GSDMC: variants seen among roughly 807,000 people sequenced by gnomAD.
The protein encoded by GSDMC is gasdermin C, also known as gasdermin-C.
GSDMC carries 59 observed loss-of-function variants against 58.0 expected under a neutral mutation model. The ratio of observed to expected loss-of-function variants is 1.02; its 90% CI spans 0.82 to 1.26. GSDMC has a LOEUF of 1.26. GSDMC is among the 50% of genes most tolerant of loss of function. The pLI is 0.00. For missense variants in GSDMC, 659 were observed against 598.5 expected (o/e 1.10, Z -1.06); for synonymous variants, 241 against 220.2 (o/e 1.09, Z -0.83).
At chr8:129,749,427 C>T (rs1338597539) in intron 13 of GSDMC, 25 bp downstream of exon 13, 2 of 1,534,988 alleles carry the variant, frequency 1.3e-6, no homozygotes, top group East Asian at 2.2e-5. Context: ...CTTCCCTGAA[C>T]TTCTGGCCCC....
chr8:129,784,942 G>T (rs1455874014), intron 1 of GSDMC, among the ~76,000 whole-genome samples: 2 of 152,128 alleles, frequency 1.3e-5, no homozygotes, highest in Non-Finnish European at 2.9e-5. Flanking sequence ...GCTGGGTGCG[G>T]TGGCTCATGC....
chr8:129,723,215 G>A, the GSDMC span, among the ~76,000 whole-genome samples: 16 of 151,514 alleles, frequency 1.1e-4, no homozygotes, highest in South Asian at 1.3e-3. Context: ...GTGGCCATCC[G>A]GGCTCAGCAT....
downstream of GSDMC, among the ~76,000 whole-genome samples, chr8:129,744,803 C>T (rs184866631): frequency 6.6e-6 from 1 of 152,338 alleles, no homozygotes; most frequent in African/African-American, 2.4e-5. Flanking sequence ...GCCAACCTAG[C>T]TGTATAGGAA....
At chr8:129,757,391 A>C (rs1240487231) in intron 6 of GSDMC, among the ~76,000 whole-genome samples, 1 of 152,154 alleles carries the variant, frequency 6.6e-6, no homozygotes, top group East Asian at 1.9e-4. Flanking sequence ...ATGAGTAATG[A>C]GATAGAAGCT....
the GSDMC span, among the ~76,000 whole-genome samples, chr8:129,740,980 T>TAA: frequency 6.6e-6 from 1 of 152,204 alleles, no homozygotes; most frequent in African/African-American, 2.4e-5. Flanking sequence ...TTTCAAGTCT[T>TAA]ACGTTTAAGT....
In GSDMC at chr8:129,751,475, C is replaced by G. The variant is rs887906588; in HGVS notation, c.943+67G>C. The G allele has an allele frequency of 5.1e-5, 70 of 1,363,510 alleles. No individual in the cohort carries two copies. In the South Asian group the frequency reaches 7.9e-4, roughly 15 times the overall value. The allele number at this position is 1,363,510 out of a possible 1,614,324, so 84.5% of individuals were successfully genotyped here. On this transcript the variant is annotated intron_variant, in intron 10 of 13. Coordinates refer to ENST00000276708, the MANE Select transcript of GSDMC (RefSeq NM_031415.3). ...AGTTTCTGACTTGCATAGAAACCAC[C>G]AACTTGGGTGCTCAGACTTGCAGCT...
At chr8:129,764,433 G>C (rs2033785903) in intron 4 of GSDMC, among the ~76,000 whole-genome samples, 1 of 152,156 alleles carries the variant, frequency 6.6e-6, no homozygotes, top group African/African-American at 2.4e-5. Context: ...GTGATGCCTG[G>C]AGCTGAATGG....
At chr8:129,741,187 T>C in the GSDMC span, among the ~76,000 whole-genome samples, 3 of 152,142 alleles carry the variant, frequency 2.0e-5, no homozygotes, top group Non-Finnish European at 4.4e-5. Flanking sequence ...CTTTTTATCC[T>C]GTTCCATTGG....
At chr8:129,764,429 C>T (rs1324459839) in intron 4 of GSDMC, among the ~76,000 whole-genome samples, 2 of 152,102 alleles carry the variant, frequency 1.3e-5, no homozygotes, top group Admixed American at 1.3e-4. Flanking sequence ...AGATGTGATG[C>T]CTGGAGCTGA....
At position 129,755,831 on chromosome 8, in the gene GSDMC, G is replaced by T. The variant is rs557202093; in HGVS notation, c.722-3011C>A. ...AATAATGGGTTATGAGACAGTATTT[G>T]TAAGTCTTACAGTAACCTCAAATCA... On this transcript the variant is annotated intron_variant, in intron 6 of 13. Coordinates refer to ENST00000276708, the MANE Select transcript of GSDMC (RefSeq NM_031415.3). 7.3e-4 allele frequency among the ~76,000 whole-genome samples: 110 copies of T among 151,516 alleles called. 1 individual carries two copies. The highest frequency in any genetic ancestry group is 2.6e-3 in the African/African-American group (109 of 41,338).
intron 1 of GSDMC, among the ~76,000 whole-genome samples, chr8:129,780,108 A>G (rs866022852): frequency 6.6e-6 from 1 of 152,328 alleles, no homozygotes. Context: ...AGAATGAAGC[A>G]TGCTACAAGA....
chr8:129,728,868 G>A, the GSDMC span: 19 of 638,724 alleles, frequency 3.0e-5, no homozygotes, highest in South Asian at 1.2e-4. Flanking sequence ...CGCCTGGGGC[G>A]GGCTCTTGTG....
the GSDMC span, among the ~76,000 whole-genome samples, chr8:129,711,286 A>C: frequency 0.025 from 3,798 of 152,266 alleles, 65 homozygotes; most frequent in Middle Eastern, 0.15. Flanking sequence ...TCTCTTATCC[A>C]TGTCATCTAG....
chr8:129,766,916 C>T lies in GSDMC; in HGVS notation c.405-1123G>A, dbSNP rs780896619. Among the ~76,000 whole-genome samples the T allele has an allele frequency of 5.3e-5, 8 of 152,292 alleles. No homozygotes were observed. In the South Asian group the frequency reaches 6.2e-4, roughly 12 times the overall value. ...GGCATCGGCAGGACTAGACCACCTG[C>T]GGTCACCTAGAAGCAAAGAAGTGGT... On this transcript the variant is annotated intron_variant, in intron 3 of 13. Transcript: ENST00000276708.
intron 1 of GSDMC, among the ~76,000 whole-genome samples, chr8:129,784,405 C>A (rs2034499212): frequency 6.6e-6 from 1 of 151,894 alleles, no homozygotes; most frequent in Non-Finnish European, 1.5e-5. Context: ...GGAAAAAAAT[C>A]TAATAATCAG....
At position 129,752,794 on chromosome 8, in the gene GSDMC, A is replaced by G; in HGVS notation, c.748T>C (p.Tyr250His). 2 of 1,614,176 alleles carry G rather than the reference A, an allele frequency of 1.2e-6. No individual in the cohort carries two copies. The highest frequency in any genetic ancestry group is 1.7e-6 in the Non-Finnish European group (2 of 1,180,026). ...DEYEISEMVG[Y>H]CAARSEGLLP... Reference sequence around the variant, plus strand: ...AACCCCTCACTCCTCGCAGCACAGTAGCCTACCATTTCGGAAATTTCGTAC... The same window carrying G: ...AACCCCTCACTCCTCGCAGCACAGTGGCCTACCATTTCGGAAATTTCGTAC... Residue 250 changes from tyrosine (Y) to histidine (H), a missense_variant, in exon 7 of 14, where the codon TAC (tyrosine) becomes CAC (histidine). Transcript: ENST00000276708.
chr8:129,752,737 G>A lies in GSDMC; in HGVS notation c.805C>T (p.Leu269Phe). 2 of 1,614,212 alleles carry A rather than the reference G, an allele frequency of 1.2e-6. No homozygotes were observed. The highest frequency in any genetic ancestry group is 1.7e-6 in the Non-Finnish European group (2 of 1,180,028). Residue 269 changes from leucine to phenylalanine, a missense_variant, in exon 7 of 14, where the codon CTC (leucine) becomes TTC (phenylalanine). Physicochemically the swap from Leu to Phe is conservative, Grantham distance 22 (BLOSUM62 0). Coordinates refer to ENST00000276708, the MANE Select transcript of GSDMC (RefSeq NM_031415.3). ...ATATCATTGGATGAGGCATTGAAGAGGGTTGGAGAGATGGTATGAAATGAT... is the reference window on the plus strand; with the variant it reads ...ATATCATTGGATGAGGCATTGAAGAAGGTTGGAGAGATGGTATGAAATGAT... ...LPSFHTISPT[L>F]FNASSNDMKL...
At chr8:129,750,194 G>A in intron 11 of GSDMC, 75 bp from the exon 12 acceptor site, 2 of 1,254,094 alleles carry the variant, frequency 1.6e-6, no homozygotes, top group Non-Finnish European at 2.2e-6. Flanking sequence ...GTGTCTACTG[G>A]TGATAACCAA....
the GSDMC span, among the ~76,000 whole-genome samples, chr8:129,710,672 A>T: frequency 6.6e-6 from 1 of 152,240 alleles, no homozygotes; most frequent in Non-Finnish European, 1.5e-5. Flanking sequence ...ATACTGAGTC[A>T]TGATGAACTA....
Sources: allele counts gnomAD v4.1 joint callset (sites outside exome capture counted in the v4.1 genomes callset), GRCh38; gene constraint gnomAD v4.1.1; transcripts MANE v1.5; gene names NCBI Gene and HGNC (gene_info 2026-07-23, HGNC 2026-07-21).